The following SVOP variants were observed in gnomAD, a reference collection of about 807,000 sequenced individuals.
SVOP encodes the protein SV2 related protein, also known as synaptic vesicle 2-related protein.
A neutral mutation model predicts 69.1 loss-of-function variants in SVOP; 17 were observed. The observed-to-expected ratio is 0.25, with a 90% CI of 0.17 to 0.37. The LOEUF (loss-of-function observed/expected upper bound fraction) is 0.37, where lower values mean the gene tolerates loss of function less well. Ranked by LOEUF, SVOP falls within the 10% of genes least tolerant of loss-of-function variation. The pLI is 1.00. For missense variants in SVOP, 435 were observed against 597.5 expected (o/e 0.73, Z 2.84); for synonymous variants, 238 against 238.6 (o/e 1.00, Z 0.02).
chr12:109,002,512 T>C (rs1412905443), intron 1 of SVOP, among the ~76,000 whole-genome samples: 1 of 138,382 alleles, frequency 7.2e-6, no homozygotes, highest in Non-Finnish European at 1.5e-5. Context: ...TGCACACGTA[T>C]GTTTATTGCG....
At chr12:108,983,033 A>G (rs1403510417) in intron 2 of SVOP, among the ~76,000 whole-genome samples, 5 of 143,442 alleles carry the variant, frequency 3.5e-5, no homozygotes, top group Admixed American at 3.5e-4. Flanking sequence ...CCATCATCAT[A>G]TCATCATCAT....
intron 1 of SVOP, among the ~76,000 whole-genome samples, chr12:108,993,330 A>G (rs1460195109): frequency 2.0e-5 from 3 of 151,436 alleles, no homozygotes; most frequent in African/African-American, 2.4e-5. Flanking sequence ...TTCTAAGGGG[A>G]AAAAAAAGGT....
intron 1 of SVOP, among the ~76,000 whole-genome samples, chr12:108,988,182 C>T (rs1446179355): frequency 6.6e-6 from 1 of 152,102 alleles, no homozygotes; most frequent in African/African-American, 2.4e-5. Flanking sequence ...ACCTTGGCCT[C>T]CCAAAGTGCT....
chr12:108,976,086 G>T (rs2040104980), intron 4 of SVOP, among the ~76,000 whole-genome samples: 1 of 152,088 alleles, frequency 6.6e-6, no homozygotes, highest in Non-Finnish European at 1.5e-5. Flanking sequence ...TGTACTAGGG[G>T]CTGTGTGTAT....
chr12:108,959,273 A>G (rs2040003165), intron 6 of SVOP, among the ~76,000 whole-genome samples: 1 of 151,694 alleles, frequency 6.6e-6, no homozygotes, highest in African/African-American at 2.4e-5. Context: ...CTCATCACCA[A>G]TAGAATCCCT....
At chr12:108,950,868 A>G (rs2039950348) in intron 6 of SVOP, among the ~76,000 whole-genome samples, 1 of 152,236 alleles carries the variant, frequency 6.6e-6, no homozygotes, top group Non-Finnish European at 1.5e-5. Flanking sequence ...ACAGCAGTTC[A>G]TTATGAAAGC....
At chr12:109,010,924 T>C (rs966639848) in intron 1 of SVOP, among the ~76,000 whole-genome samples, 1 of 151,508 alleles carries the variant, frequency 6.6e-6, no homozygotes, top group Non-Finnish European at 1.5e-5. Context: ...TTTTCTGTTT[T>C]GTTTTTTGAG....
At chr12:108,966,195 G>C (rs1376784576) in intron 5 of SVOP, among the ~76,000 whole-genome samples, 1 of 152,084 alleles carries the variant, frequency 6.6e-6, no homozygotes, top group Admixed American at 6.6e-5. Context: ...CCCCATTAAA[G>C]TGCCTATTAT....
chr12:108,997,499 C>T (rs2040242294), intron 1 of SVOP, among the ~76,000 whole-genome samples: 1 of 152,184 alleles, frequency 6.6e-6, no homozygotes, highest in African/African-American at 2.4e-5. Context: ...GGCTCCACCT[C>T]TGCGGGCAGG....
chr12:108,941,398 G>A (rs1230158243), intron 7 of SVOP, among the ~76,000 whole-genome samples: 1 of 152,052 alleles, frequency 6.6e-6, no homozygotes, highest in African/African-American at 2.4e-5. Context: ...AATTTCTTTT[G>A]TATTTTTAGT....
rs1053665650 is a variant in SVOP at position 108,923,506 on chromosome 12, C to T, written c.1049-709G>A. Among the ~76,000 whole-genome samples, 3 of 152,070 alleles carry T rather than the reference C, an allele frequency of 2.0e-5. No individual in the cohort carries two copies. In the South Asian group the frequency reaches 6.2e-4, roughly 32 times the overall value. On this transcript the variant is annotated intron_variant, in intron 11 of 15. Transcript: ENST00000610966. The stretch of plus-strand genomic sequence containing the variant: ...GGTGGGTCCTTCCACAGTTGAGCTT[C>T]CAGATGAGAACACAGACCTCCAGTC...
In SVOP at chr12:108,919,666, A is replaced by G; in HGVS notation, c.1268+9T>C. The G allele has an allele frequency of 6.3e-7, 1 of 1,589,590 alleles. No individual in the cohort carries two copies. Among genetic ancestry groups the G allele is most frequent in the Non-Finnish European group, 8.6e-7 (1 of 1,167,868 alleles). On this transcript the variant is annotated intron_variant, in intron 13 of 15. Coordinates refer to ENST00000610966, the MANE Select transcript of SVOP (RefSeq NM_018711.5). ...CTCAAACTCATACCTAGGCTTGCAG[A>G]TCACCTACCTTCCAACACAGATAAA...
At chr12:108,925,068 G>A (rs2039772190) in intron 11 of SVOP, among the ~76,000 whole-genome samples, 1 of 151,816 alleles carries the variant, frequency 6.6e-6, no homozygotes, top group Non-Finnish European at 1.5e-5. Flanking sequence ...CACCTGTAAG[G>A]CCCCCTGATC....
At chr12:108,942,659 C>G (rs935203480) in intron 7 of SVOP, among the ~76,000 whole-genome samples, 2 of 152,362 alleles carry the variant, frequency 1.3e-5, no homozygotes, top group Middle Eastern at 3.4e-3. Context: ...CAGCCTTCAT[C>G]ATACAACTCT....
intron 1 of SVOP, among the ~76,000 whole-genome samples, chr12:109,004,090 T>G (rs1166679319): frequency 6.6e-6 from 1 of 152,084 alleles, no homozygotes; most frequent in East Asian, 1.9e-4. Context: ...CTAAAAGAAT[T>G]TGTCAACTAC....
At chr12:108,929,870 C>T (rs916977678) in intron 11 of SVOP, among the ~76,000 whole-genome samples, 6 of 152,178 alleles carry the variant, frequency 3.9e-5, no homozygotes, top group Non-Finnish European at 4.4e-5. Context: ...CAGTACCTGG[C>T]GTGTAGAAAA....
At chr12:109,003,925 C>G (rs933998199) in intron 1 of SVOP, among the ~76,000 whole-genome samples, 1 of 152,172 alleles carries the variant, frequency 6.6e-6, no homozygotes. Flanking sequence ...AGTTTTAAAC[C>G]TGGACCTGCT....
intron 2 of SVOP, among the ~76,000 whole-genome samples, chr12:108,981,774 T>C (rs1356874792): frequency 2.0e-5 from 3 of 152,148 alleles, no homozygotes; most frequent in Non-Finnish European, 4.4e-5. Flanking sequence ...TAATAAATCC[T>C]CAGTCAATGT....
chr12:108,955,786 C>T (rs988796921), intron 6 of SVOP, among the ~76,000 whole-genome samples: 1 of 152,350 alleles, frequency 6.6e-6, no homozygotes, highest in South Asian at 2.1e-4. Flanking sequence ...CTTGAGTGCT[C>T]TGCCAGGCAC....
Sources: allele counts gnomAD v4.1 joint callset (sites outside exome capture counted in the v4.1 genomes callset), GRCh38; gene constraint gnomAD v4.1.1; transcripts MANE v1.5; gene names NCBI Gene and HGNC (gene_info 2026-07-23, HGNC 2026-07-21).